PRKCE: variants seen among roughly 807,000 people sequenced by gnomAD.
PRKCE encodes protein kinase C epsilon, also known as protein kinase C epsilon type.
Under a neutral mutation model 85.4 loss-of-function variants are expected in PRKCE, and 16 were observed. That is an observed-to-expected ratio of 0.19 (90% CI 0.13 to 0.28). PRKCE has a LOEUF of 0.28. Among genes scored for constraint, PRKCE ranks in the 10% least tolerant of loss-of-function variants. The pLI is 1.00. For missense variants in PRKCE, 573 were observed against 975.2 expected, an observed-to-expected ratio of 0.59 and a Z score of 5.49; for synonymous variants, 388 against 371.5, an observed-to-expected ratio of 1.04 and a Z score of -0.51.
At chr2:45,689,243 T>C (rs1038903119) in intron 1 of PRKCE, among the ~76,000 whole-genome samples, 2 of 152,198 alleles carry the variant, frequency 1.3e-5, no homozygotes, top group Non-Finnish European at 2.9e-5. Context: ...GCATGTCATA[T>C]AAGTGAGATA....
At chr2:46,019,030 C>T (rs887517270) in intron 10 of PRKCE, among the ~76,000 whole-genome samples, 1 of 152,238 alleles carries the variant, frequency 6.6e-6, no homozygotes, top group Non-Finnish European at 1.5e-5. Flanking sequence ...CTCTCTGTAA[C>T]ATCAACCTGA....
intron 12 of PRKCE, 67 bp from the exon 13 acceptor site, chr2:46,150,974 T>C: frequency 6.9e-7 from 1 of 1,450,276 alleles, no homozygotes; most frequent in Non-Finnish European, 9.3e-7. Context: ...CCATGGGCGT[T>C]CGTAGCACGG....
intron 11 of PRKCE, among the ~76,000 whole-genome samples, chr2:46,129,240 T>C (rs1295693379): frequency 2.0e-5 from 3 of 152,154 alleles, no homozygotes; most frequent in Non-Finnish European, 4.4e-5. Flanking sequence ...TTCATGGTTT[T>C]CTCCTTGTTT....
At chr2:45,888,541 C>T (rs914874411) in intron 2 of PRKCE, among the ~76,000 whole-genome samples, 1 of 137,796 alleles carries the variant, frequency 7.3e-6, no homozygotes, top group African/African-American at 2.7e-5. Flanking sequence ...GGCGCGATCT[C>T]CTGGGTTCAA....
At chr2:45,948,967 A>G (rs1700427323) in intron 2 of PRKCE, among the ~76,000 whole-genome samples, 1 of 152,216 alleles carries the variant, frequency 6.6e-6, no homozygotes, top group Non-Finnish European at 1.5e-5. Context: ...TATTCCTCGA[A>G]TGACAATACA....
rs57014814 is a variant in PRKCE at position 45,994,825 on chromosome 2, T to C, written c.824-6579T>C. Among the ~76,000 whole-genome samples the C allele has an allele frequency of 4.4e-3, 677 of 152,320 alleles. 6 individuals are homozygous for C. The highest frequency in any genetic ancestry group is 0.015 in the African/African-American group (630 of 41,564). Reference sequence around the variant, plus strand: ...TCAGTAGTGTAATTGCTGGATCTTATGGTAATGGTATATTTAGTTTTGTAA... The same window carrying C: ...TCAGTAGTGTAATTGCTGGATCTTACGGTAATGGTATATTTAGTTTTGTAA... On this transcript the variant is annotated intron_variant, in intron 6 of 14. Transcript: ENST00000306156.
At chr2:46,091,130 A>G (rs1670124456) in intron 11 of PRKCE, among the ~76,000 whole-genome samples, 1 of 151,182 alleles carries the variant, frequency 6.6e-6, no homozygotes, top group East Asian at 2.0e-4. Context: ...CCTGCTGGAC[A>G]CGGGGTGGGG....
intron 2 of PRKCE, among the ~76,000 whole-genome samples, chr2:45,853,743 T>G (rs1176237060): frequency 6.6e-6 from 1 of 152,230 alleles, no homozygotes; most frequent in Non-Finnish European, 1.5e-5. Context: ...TGGCCTGACT[T>G]TGCTTTGGAT....
At chr2:45,658,956 A>G (rs1448205396) in intron 1 of PRKCE, among the ~76,000 whole-genome samples, 3 of 152,222 alleles carry the variant, frequency 2.0e-5, no homozygotes, top group Non-Finnish European at 4.4e-5. Context: ...TTATTTATTG[A>G]AGAGGTATGG....
intron 1 of PRKCE, among the ~76,000 whole-genome samples, chr2:45,797,657 G>C (rs1233911862): frequency 6.6e-6 from 1 of 152,214 alleles, no homozygotes; most frequent in Non-Finnish European, 1.5e-5. Flanking sequence ...GGCGGTCTCT[G>C]CTGTTGGGGC....
At chr2:46,165,764 C>T (rs1171240560) in intron 14 of PRKCE, among the ~76,000 whole-genome samples, 3 of 152,160 alleles carry the variant, frequency 2.0e-5, no homozygotes, top group South Asian at 4.1e-4. Context: ...CCCTCAAAAG[C>T]GTTCAGCTCT....
intron 1 of PRKCE, among the ~76,000 whole-genome samples, chr2:45,704,054 T>C (rs942080572): frequency 6.6e-6 from 1 of 152,162 alleles, no homozygotes; most frequent in Non-Finnish European, 1.5e-5. Context: ...CATTGAGCAT[T>C]TACTTAGTGC....
intron 10 of PRKCE, among the ~76,000 whole-genome samples, chr2:46,080,361 T>C (rs1425491063): frequency 6.6e-6 from 1 of 152,200 alleles, no homozygotes; most frequent in African/African-American, 2.4e-5. Flanking sequence ...TGCTTTGGGG[T>C]CATGAACATG....
chr2:46,122,026 A>G (rs556797682), intron 11 of PRKCE, among the ~76,000 whole-genome samples: 10 of 151,748 alleles, frequency 6.6e-5, no homozygotes, highest in Admixed American at 5.9e-4. Flanking sequence ...TCGAGTGCAC[A>G]GTTCTTAGAT....
intron 2 of PRKCE, among the ~76,000 whole-genome samples, chr2:45,915,710 C>T (rs1288848939): frequency 2.6e-5 from 4 of 152,164 alleles, no homozygotes; most frequent in African/African-American, 7.2e-5. Context: ...AGCTCAGTCG[C>T]GGCCTTGTTT....
intron 10 of PRKCE, among the ~76,000 whole-genome samples, chr2:46,026,045 C>T (rs1028334308): frequency 9.2e-5 from 14 of 152,190 alleles, no homozygotes; most frequent in African/African-American, 3.4e-4. Flanking sequence ...CTTGTGCATC[C>T]ATATCCCAGG....
chr2:45,974,053 C>T (rs965679897), intron 2 of PRKCE, among the ~76,000 whole-genome samples: 19 of 152,110 alleles, frequency 1.2e-4, no homozygotes, highest in Non-Finnish European at 2.5e-4. Context: ...CTATGATGCC[C>T]AGGATGATGT....
intron 1 of PRKCE, among the ~76,000 whole-genome samples, chr2:45,763,361 C>T (rs917905525): frequency 1.3e-5 from 2 of 152,204 alleles, no homozygotes; most frequent in Admixed American, 1.3e-4. Context: ...CAGTAAAAAA[C>T]AGCAGAGACC....
intron 11 of PRKCE, among the ~76,000 whole-genome samples, chr2:46,086,698 C>G (rs962478602): frequency 7.2e-5 from 11 of 152,158 alleles, no homozygotes; most frequent in Non-Finnish European, 1.5e-4. Flanking sequence ...AGGGCATTCT[C>G]TTTACGTGTT....
Sources: gnomAD v4.1 joint callset for allele counts (sites outside exome capture counted in the v4.1 genomes callset) on GRCh38, gnomAD v4.1.1 for gene constraint, MANE v1.5 for transcripts, NCBI Gene and HGNC (gene_info 2026-07-23, HGNC 2026-07-21) for gene names.